Variants in CACNA1S observed in about 807,000 individuals in gnomAD.
CACNA1S encodes voltage-dependent L-type calcium channel subunit alpha-1S.
CACNA1S carries 126 observed loss-of-function variants against 207.4 expected under a neutral mutation model. The observed-to-expected ratio is 0.61, with a 90% CI of 0.53 to 0.70. The LOEUF is 0.70. CACNA1S is among the 30% of genes least tolerant of loss of function. The pLI is 0.00. For synonymous variants in CACNA1S, 960 were observed against 932.7 expected, an observed-to-expected ratio of 1.03 and a Z score of -0.53; for missense variants, 2,349 against 2,422.8, an observed-to-expected ratio of 0.97 and a Z score of 0.64.
chr1:201,045,734 C>CAAAAAAAAAAAAA (rs56958698), intron 38 of CACNA1S, among the ~76,000 whole-genome samples: 1 of 72,648 alleles, frequency 1.4e-5, no homozygotes, highest in Non-Finnish European at 2.5e-5. Flanking sequence ...CTCTTGTCTC[C>CAAAAAAAAAAAAA]AAAAAAAAAA....
chr1:201,081,927 C>T (rs1661856402), intron 10 of CACNA1S, among the ~76,000 whole-genome samples: 1 of 152,186 alleles, frequency 6.6e-6, no homozygotes, highest in Non-Finnish European at 1.5e-5. Flanking sequence ...TCCAAGACCT[C>T]CTCAGAAGCT....
At chr1:201,046,611 C>T (rs1383677525) in intron 38 of CACNA1S, among the ~76,000 whole-genome samples, 4 of 151,994 alleles carry the variant, frequency 2.6e-5, no homozygotes, top group East Asian at 1.9e-4. Flanking sequence ...GTCTCAATCT[C>T]GGTTCACTGC....
chr1:201,057,973 A>G (rs1660905149), intron 28 of CACNA1S, among the ~76,000 whole-genome samples: 1 of 152,160 alleles, frequency 6.6e-6, no homozygotes, highest in African/African-American at 2.4e-5. Flanking sequence ...TTATGCTTCC[A>G]ATAAACTGGA....
chr1:201,043,502 G>A lies in CACNA1S; in HGVS notation c.4827C>T (p.Asp1609=), dbSNP rs746100808. 1.9e-6 allele frequency: 3 copies of A among 1,614,004 alleles called. No individual in the cohort carries two copies. The South Asian group carries it at 3.3e-5, about 18-fold the overall frequency. The change falls in exon 40 of 44, where the codon GAC becomes GAT. Residue 1609 remains aspartate (D), a synonymous_variant. Coordinates refer to ENST00000362061, the MANE Select transcript of CACNA1S (RefSeq NM_000069.3). ...RRTGGLFGQV[D]NFLERTNSLP... ...GGGAGTTGGTCCTTTCCAGGAAGTT[G>A]TCCACCTGGCCAAACAGGCCTCCAG...
intron 23 of CACNA1S, 84 bp from the exon 24 acceptor site, chr1:201,062,174 G>A (rs1661074704): frequency 1.4e-5 from 21 of 1,526,974 alleles, no homozygotes; most frequent in Non-Finnish European, 4.5e-6. Context: ...TGGGTGGGGA[G>A]TGTGAAGGAG....
chr1:201,110,251 G>A lies in CACNA1S; in HGVS notation c.171C>T (p.Ile57=). The change falls in exon 2 of 44, where the codon ATC becomes ATT. Residue 57 remains isoleucine (I), a synonymous_variant. Coordinates refer to ENST00000362061, the MANE Select transcript of CACNA1S (RefSeq NM_000069.3). The part of the protein sequence containing the change: ...IVEWKPFETI[I]LLTIFANCVA... ...CACAATTGGCAAAGATGGTGAGCAA[G>A]ATGATCGTCTCGAAGGGCCTGGAGC... 6.2e-7 allele frequency: 1 copy of A among 1,614,266 alleles called. No individual in the cohort carries two copies. Among genetic ancestry groups the A allele is most frequent in the Non-Finnish European group, 8.5e-7 (1 of 1,180,036 alleles).
rs190170792 is a variant in CACNA1S at position 201,056,399 on chromosome 1, A to C, written c.3610-1838T>G. Among the ~76,000 whole-genome samples the C allele has an allele frequency of 6.4e-3, 971 of 151,826 alleles. 13 individuals carry two copies. The highest frequency in any genetic ancestry group is 0.022 in the African/African-American group (912 of 41,404). ...CCAGTGCTGATCCTTCCACCCCTAT[A>C]CCCAACTCACCCTAAGGTTCACCCC... On this transcript the variant is annotated intron_variant, in intron 28 of 43. Transcript: ENST00000362061.
Position 201,078,419 on chromosome 1 carries a change from T to C in CACNA1S, c.1394-315A>G, listed in dbSNP as rs545804708. On this transcript the variant is annotated intron_variant, in intron 10 of 43. Transcript: ENST00000362061. Reference sequence around the variant, plus strand: ...TTCGTCATGTTGCCCAGGCTGGTCTTGAACTCCTGGGCTCAAGCAATCCAC... The same window carrying C: ...TTCGTCATGTTGCCCAGGCTGGTCTCGAACTCCTGGGCTCAAGCAATCCAC... Among the ~76,000 whole-genome samples, 3 of 151,388 alleles carry C rather than the reference T, an allele frequency of 2.0e-5. No individual in the cohort carries two copies. The East Asian group carries it at 5.9e-4, about 30-fold the overall frequency.
At position 201,047,240 on chromosome 1, in the gene CACNA1S, C is replaced by G; in HGVS notation, c.4544-1G>C. On this transcript the variant is annotated splice_acceptor_variant, in intron 37 of 43. Transcript: ENST00000362061. LOFTEE classifies it high-confidence loss of function. ...AACTTCCCCACTGTCACCTCATCAT[C>G]TGCAGAGGAGCCAACAAGAGATGCC... 6.2e-7 allele frequency: 1 copy of G among 1,614,242 alleles called. No individual in the cohort carries two copies. The highest frequency in any genetic ancestry group is 8.5e-7 in the Non-Finnish European group (1 of 1,180,046).
At chr1:201,040,782 G>A in intron 41 of CACNA1S, 69 bp from the exon 42 acceptor site, 1 of 1,233,228 alleles carries the variant, frequency 8.1e-7, no homozygotes, top group South Asian at 1.2e-5. Context: ...GTCAACAGAG[G>A]CTCGCTTGGC....
chr1:201,102,254 C>T (rs1028438356), intron 2 of CACNA1S, among the ~76,000 whole-genome samples: 3 of 151,946 alleles, frequency 2.0e-5, no homozygotes, highest in Non-Finnish European at 2.9e-5. Context: ...GCCTCGGATC[C>T]CAGTGTCACA....
intron 33 of CACNA1S, 21 bp downstream of exon 33, chr1:201,050,963 C>T (rs752902565): frequency 6.0e-5 from 97 of 1,613,662 alleles, no homozygotes; most frequent in Non-Finnish European, 7.4e-5. Context: ...CTCCCTGCCC[C>T]GCAGGCCCTC....
chr1:201,077,124 A>G lies in CACNA1S; in HGVS notation c.1623T>C (p.Tyr541=), dbSNP rs1339531571. Residue 541 remains tyrosine, a synonymous_variant, in exon 12 of 44, where the codon TAT becomes TAC. Transcript: ENST00000362061. Reference sequence around the variant, plus strand: ...CCACCAGGTTGCTCAGCGACGTCCAATATCTGAAGGAAGAGGAGGCACAAG... The same window carrying G: ...CCACCAGGTTGCTCAGCGACGTCCAGTATCTGAAGGAAGAGGAGGCACAAG... The part of the protein sequence containing the change: ...RLLRIFKITK[Y]WTSLSNLVAS... The G allele has an allele frequency of 6.2e-7, 1 of 1,613,922 alleles. No individual in the cohort carries two copies. The highest frequency in any genetic ancestry group is 1.1e-5 in the South Asian group (1 of 91,074).
chr1:201,100,328 C>A (rs752297806), intron 2 of CACNA1S, among the ~76,000 whole-genome samples: 3 of 152,220 alleles, frequency 2.0e-5, no homozygotes, highest in Admixed American at 2.0e-4. Flanking sequence ...GAAGCAACAG[C>A]GTTTCTGGTA....
At position 201,066,338 on chromosome 1, in the gene CACNA1S, G is replaced by A. The variant is rs1252439161; in HGVS notation, c.2658-22C>T. ...GGACCTGGGGGGCGGCAATGGTGAG[G>A]GGGCTGAGGGCAGCCTGCTCCAGCC... On this transcript the variant is annotated intron_variant, in intron 20 of 43. Transcript: ENST00000362061. This position sits in a 1 kb window ranked among gnomAD's most constrained non-coding sequence, Gnocchi z 4.3. The A allele has an allele frequency of 6.3e-7, 1 of 1,599,088 alleles. No homozygotes were observed. Among genetic ancestry groups the A allele is most frequent in the Admixed American group, 1.7e-5 (1 of 59,966 alleles).
chr1:201,100,799 G>T (rs965415627), intron 2 of CACNA1S, among the ~76,000 whole-genome samples: 1 of 152,088 alleles, frequency 6.6e-6, no homozygotes, highest in African/African-American at 2.4e-5. Flanking sequence ...TTATGAGCCC[G>T]GCCCTATTCT....
At chr1:201,043,239 C>A (rs769502734) in intron 40 of CACNA1S, 42 bp downstream of exon 40, 1 of 1,613,614 alleles carries the variant, frequency 6.2e-7, no homozygotes, top group Admixed American at 1.7e-5. Flanking sequence ...ACATTGTCCT[C>A]CCAGTACCTC....
Position 201,039,627 on chromosome 1 carries a change from C to T in CACNA1S, c.*204G>A. 1 of 643,194 alleles carries T rather than the reference C, an allele frequency of 1.6e-6. No individual in the cohort carries two copies. Among genetic ancestry groups the T allele is most frequent in the Non-Finnish European group, 2.7e-6 (1 of 369,886 alleles). The allele number at this position is 643,194 out of a possible 1,614,324, so 39.8% of individuals were successfully genotyped here. A position where few individuals can be genotyped will look rare whatever the true frequency, so the allele number is the denominator to read the frequency against. On this transcript the variant is annotated 3_prime_UTR_variant, in exon 44 of 44. Coordinates refer to ENST00000362061, the MANE Select transcript of CACNA1S (RefSeq NM_000069.3). The stretch of plus-strand genomic sequence containing the variant: ...CATTAGAAGCTCCATCCAATCATGC[C>T]TCTTGCTGGTGAGGGGCAGGGCCTG...
At chr1:201,082,701 G>A (rs1219516120) in intron 10 of CACNA1S, among the ~76,000 whole-genome samples, 1 of 152,212 alleles carries the variant, frequency 6.6e-6, no homozygotes, top group African/African-American at 2.4e-5. Context: ...TGGTGTATTA[G>A]TGTTCTCTGT....
Sources: allele counts gnomAD v4.1 joint callset (sites outside exome capture counted in the v4.1 genomes callset), GRCh38; gene constraint gnomAD v4.1.1; non-coding constraint Gnocchi (gnomAD v3.1); transcripts MANE v1.5; gene names NCBI Gene and HGNC (gene_info 2026-07-23, HGNC 2026-07-21).